Variants in DOCK2 observed in about 807,000 individuals in gnomAD.
DOCK2 encodes dedicator of cytokinesis 2.
In DOCK2, 87 loss-of-function variants were observed where a neutral mutation model predicts 248.9. That is an observed-to-expected ratio of 0.35 (90% CI 0.29 to 0.42). DOCK2 has a LOEUF of 0.42. DOCK2 is among the 10% of genes least tolerant of loss of function. DOCK2 has a pLI of 1.00. For missense variants in DOCK2, 1,747 were observed against 2,300.2 expected, an observed-to-expected ratio of 0.76 and a Z score of 4.92; for synonymous variants, 805 against 821.6, an observed-to-expected ratio of 0.98 and a Z score of 0.35.
chr5:169,953,853 C>T (rs1561848102), intron 27 of DOCK2, among the ~76,000 whole-genome samples: 1 of 152,192 alleles, frequency 6.6e-6, no homozygotes, highest in African/African-American at 2.4e-5. Context: ...TCCATTCTAG[C>T]TGTGCCACTT....
intron 27 of DOCK2, among the ~76,000 whole-genome samples, chr5:169,974,254 C>T (rs1777633959): frequency 6.6e-6 from 1 of 152,174 alleles, no homozygotes; most frequent in East Asian, 1.9e-4. Flanking sequence ...TAAGATAAAG[C>T]TTACATAGTG....
At chr5:169,756,634 G>T (rs1764208617) in intron 23 of DOCK2, among the ~76,000 whole-genome samples, 1 of 152,136 alleles carries the variant, frequency 6.6e-6, no homozygotes, top group Non-Finnish European at 1.5e-5. Context: ...TGCTAGAAGT[G>T]CTTGCACCAG....
At chr5:169,855,676 A>G (rs577637882) in intron 27 of DOCK2, among the ~76,000 whole-genome samples, 5 of 152,232 alleles carry the variant, frequency 3.3e-5, no homozygotes, top group Non-Finnish European at 5.9e-5. Flanking sequence ...GGAAGAGACC[A>G]AGGATCCCAA....
intron 29 of DOCK2, among the ~76,000 whole-genome samples, chr5:169,988,843 G>A (rs1249087170): frequency 6.6e-6 from 1 of 152,184 alleles, no homozygotes; most frequent in Admixed American, 6.5e-5. Context: ...CATGCCACTA[G>A]TGAACAATTT....
intron 25 of DOCK2, among the ~76,000 whole-genome samples, chr5:169,797,091 C>T (rs1055079241): frequency 3.3e-5 from 5 of 152,156 alleles, no homozygotes; most frequent in African/African-American, 1.2e-4. Context: ...ATGGACATAA[C>T]TTCATGATGG....
At chr5:169,791,488 C>T (rs1162174706) in intron 25 of DOCK2, among the ~76,000 whole-genome samples, 1 of 152,224 alleles carries the variant, frequency 6.6e-6, no homozygotes, top group Non-Finnish European at 1.5e-5. Context: ...CAACAAACAT[C>T]AATCAATCAT....
At position 170,032,043 on chromosome 5, in the gene DOCK2, T is replaced by TC. The variant is rs1561889683; in HGVS notation, c.3468-2356_3468-2355insC. Among the ~76,000 whole-genome samples the TC allele has an allele frequency of 5.4e-4, 72 of 133,396 alleles. 1 individual carries two copies. Among genetic ancestry groups the TC allele is most frequent in the East Asian group, 1.7e-3 (8 of 4,592 alleles). The allele number at this position is 133,396 out of a possible 152,430, so 87.5% of individuals were successfully genotyped here. A position where few individuals can be genotyped will look rare whatever the true frequency, so the allele number is the denominator to read the frequency against. On this transcript the variant is annotated intron_variant, in intron 34 of 51. Coordinates refer to ENST00000520908, the MANE Select transcript of DOCK2 (RefSeq NM_004946.3). ...CCAGTTGTTCTTTTTTTTTTTTTTTTTGAGACGGAGTCTCGCTCTGTCGCC... is the reference window on the plus strand; with the variant it reads ...CCAGTTGTTCTTTTTTTTTTTTTTTTCTGAGACGGAGTCTCGCTCTGTCGCC...
In DOCK2 at chr5:170,051,551, G is replaced by T. The variant is rs185585186; in HGVS notation, c.4213+1154G>T. On this transcript the variant is annotated intron_variant, in intron 41 of 51. Coordinates refer to ENST00000520908, the MANE Select transcript of DOCK2 (RefSeq NM_004946.3). ...CATGGCCTTTCTATTGTCTAATGTG[G>T]CCTTCTCTGAACTCTTCATGACCCT... 3.3e-5 allele frequency among the ~76,000 whole-genome samples: 5 copies of T among 152,260 alleles called. No homozygotes were observed. In the South Asian group the frequency reaches 1.0e-3, roughly 32 times the overall value.
intron 27 of DOCK2, among the ~76,000 whole-genome samples, chr5:169,935,777 C>T (rs938040673): frequency 2.2e-4 from 34 of 152,138 alleles, no homozygotes; most frequent in Admixed American, 9.2e-4. Context: ...GGAGAAAAAA[C>T]GCGTTGTGTA....
In DOCK2 at chr5:169,777,300, C is replaced by T. The variant is rs763292499; in HGVS notation, c.2554+15675C>T. On this transcript the variant is annotated intron_variant, in intron 25 of 51. Transcript: ENST00000520908. ...CGGGAGGGACATGTTTTCACAACTC[C>T]GCCGTTATCCTTGATGGCAGGGGGT... Among the ~76,000 whole-genome samples the T allele has an allele frequency of 2.6e-5, 4 of 152,162 alleles. No homozygotes were observed. In the South Asian group the frequency reaches 6.2e-4, roughly 24 times the overall value.
At chr5:169,850,847 C>T (rs533853355) in intron 27 of DOCK2, among the ~76,000 whole-genome samples, 8 of 152,242 alleles carry the variant, frequency 5.3e-5, no homozygotes, top group Admixed American at 2.0e-4. Flanking sequence ...TTGAATGCCA[C>T]GAAAAACTTT....
At chr5:169,883,333 G>T (rs1447889394) in intron 27 of DOCK2, 1 of 1,551,594 alleles carries the variant, frequency 6.4e-7, no homozygotes, top group Non-Finnish European at 8.7e-7. Flanking sequence ...CCAAGTTCCT[G>T]CTTCCAAGCA....
intron 25 of DOCK2, among the ~76,000 whole-genome samples, chr5:169,786,449 T>G (rs781461559): frequency 6.6e-6 from 1 of 152,164 alleles, no homozygotes; most frequent in Non-Finnish European, 1.5e-5. Context: ...TTGGTTTTAA[T>G]ATTTAATGAG....
chr5:169,768,009 A>T (rs1764886879), intron 25 of DOCK2, among the ~76,000 whole-genome samples: 3 of 152,210 alleles, frequency 2.0e-5, no homozygotes, highest in Admixed American at 2.0e-4. Flanking sequence ...AAGTCTGATG[A>T]AGGTCATATG....
At chr5:170,031,195 G>T (rs939767774) in intron 34 of DOCK2, among the ~76,000 whole-genome samples, 3 of 152,210 alleles carry the variant, frequency 2.0e-5, no homozygotes, top group Admixed American at 1.3e-4. Context: ...GAATCGGAAG[G>T]TTGAAGCAGA....
chr5:169,847,830 A>C (rs1385270083), intron 27 of DOCK2, among the ~76,000 whole-genome samples: 2 of 152,176 alleles, frequency 1.3e-5, no homozygotes, highest in African/African-American at 4.8e-5. Flanking sequence ...ATGGCATGAG[A>C]TTGGAGAACA....
At chr5:169,787,294 T>C (rs1055038340) in intron 25 of DOCK2, among the ~76,000 whole-genome samples, 1 of 152,232 alleles carries the variant, frequency 6.6e-6, no homozygotes, top group Non-Finnish European at 1.5e-5. Flanking sequence ...CAGTTTATCA[T>C]TCCACCTTGT....
intron 29 of DOCK2, among the ~76,000 whole-genome samples, chr5:169,992,657 G>A (rs1778238494): frequency 6.6e-6 from 1 of 152,016 alleles, no homozygotes; most frequent in South Asian, 2.1e-4. Flanking sequence ...TAGAAATGGG[G>A]TTTCACCATG....
chr5:170,034,596 T>C, intron 35 of DOCK2, 41 bp downstream of exon 35: 1 of 1,607,670 alleles, frequency 6.2e-7, no homozygotes, highest in Non-Finnish European at 8.5e-7. Flanking sequence ...CAGAACCCTG[T>C]GGGGGGGCTT....
Sources: gnomAD v4.1 joint callset for allele counts (sites outside exome capture counted in the v4.1 genomes callset) on GRCh38, gnomAD v4.1.1 for gene constraint, MANE v1.5 for transcripts, NCBI Gene and HGNC (gene_info 2026-07-23, HGNC 2026-07-21) for gene names.